The following ENPP5 variants were observed in gnomAD, a reference collection of about 807,000 sequenced individuals.
ENPP5 encodes the protein ectonucleotide pyrophosphatase/phosphodiesterase family member 5.
A neutral mutation model predicts 33.7 loss-of-function variants in ENPP5; 27 were observed. The ratio of observed to expected loss-of-function variants is 0.80; its 90% CI spans 0.59 to 1.11. ENPP5 has a LOEUF of 1.11. ENPP5 is among the 50% of genes least tolerant of loss of function. The pLI is 0.00. For missense variants in ENPP5, 552 were observed against 579.2 expected, an observed-to-expected ratio of 0.95 and a Z score of 0.48; for synonymous variants, 199 against 200.5, an observed-to-expected ratio of 0.99 and a Z score of 0.06.
At position 46,167,934 on chromosome 6, in the gene ENPP5, T is replaced by C. The variant is rs763252089; in HGVS notation, c.329A>G (p.Asn110Ser). The C allele has an allele frequency of 1.2e-5, 19 of 1,614,108 alleles. No homozygotes were observed. The highest frequency in any genetic ancestry group is 1.6e-4 in the Middle Eastern group (1 of 6,084). Residue 110 changes from asparagine to serine, a missense_variant, in exon 3 of 5, where the codon AAT becomes AGT. Physicochemically the swap from Asn to Ser is conservative, Grantham distance 46 (BLOSUM62 1). Transcript: ENST00000371383. ...TTCCCAAAACTTGGAATCATAAATA[T>C]TCATGTGATCCAAGGAGAAAGATTT... Reference protein sequence around the residue: ...RNKSFSLDHMNIYDSKFWEEA... With the variant: ...RNKSFSLDHMSIYDSKFWEEA...
intron 4 of ENPP5, among the ~76,000 whole-genome samples, 199 bp from the exon 5 acceptor site, chr6:46,161,952 C>A (rs1764409172): frequency 6.6e-6 from 1 of 152,156 alleles, no homozygotes; most frequent in Non-Finnish European, 1.5e-5. Context: ...GGTTGTGAAT[C>A]TTTCTTACAG....
chr6:46,161,415 C>CA lies in ENPP5; in HGVS notation c.1344dup (p.Val449CysfsTer5), dbSNP rs760030741. ...TGAATTAAATGCTTAATGAAAATTA[C>CA]AAAAAATACAATCACTATAATGCTG... On this transcript the variant is annotated frameshift_variant, in exon 5 of 5. Coordinates refer to ENST00000371383, the MANE Select transcript of ENPP5 (RefSeq NM_001290072.2). LOFTEE classifies it high-confidence loss of function. 6.2e-7 allele frequency: 1 copy of CA among 1,613,580 alleles called. No individual in the cohort carries two copies. Among genetic ancestry groups the CA allele is most frequent in the South Asian group, 1.1e-5 (1 of 91,058 alleles).
rs1764364659 is a variant in ENPP5, at chr6:46,160,792, T to C, written c.*534A>G. On this transcript the variant is annotated 3_prime_UTR_variant, in exon 5 of 5. Coordinates refer to ENST00000371383, the MANE Select transcript of ENPP5 (RefSeq NM_001290072.2). The stretch of plus-strand genomic sequence containing the variant: ...GGTTATCACATTTAATTTTCAACAC[T>C]TATCACCTTCTTCTTCTCTCAATTT... 6.5e-6 allele frequency: 1 copy of C among 154,486 alleles called. No individual in the cohort carries two copies. Among genetic ancestry groups the C allele is most frequent in the Non-Finnish European group, 1.4e-5 (1 of 69,302 alleles). The allele number at this position is 154,486 out of a possible 1,614,324, so 9.6% of individuals were successfully genotyped here. A position where few individuals can be genotyped will look rare whatever the true frequency, so the allele number is the denominator to read the frequency against.
At position 46,167,624 on chromosome 6, in the gene ENPP5, C is replaced by T. The variant is rs1330323806; in HGVS notation, c.639G>A (p.Lys213=). 8 of 1,614,190 alleles carry T rather than the reference C, an allele frequency of 5.0e-6. No individual in the cohort carries two copies. Among genetic ancestry groups the T allele is most frequent in the Non-Finnish European group, 6.8e-6 (8 of 1,180,030 alleles). ...GCATTTGTATGAGATATCCTAACTT[C>T]TTGTCAATATCTGAAATGACAGGCC... ...LMGPVISDID[K]KLGYLIQMLK... is the part of the protein sequence containing the mutation. The change falls in exon 3 of 5, where the codon AAG becomes AAA. Residue 213 remains lysine (K), a synonymous_variant. Coordinates refer to ENST00000371383, the MANE Select transcript of ENPP5 (RefSeq NM_001290072.2).
Position 46,170,789 on chromosome 6 carries a change from C to A in ENPP5, c.-98+19G>T, listed in dbSNP as rs1475058592. 1 of 152,244 alleles carries A rather than the reference C, an allele frequency of 6.6e-6. No homozygotes were observed. The highest frequency in any genetic ancestry group is 1.5e-5 in the Non-Finnish European group (1 of 68,164). The allele number at this position is 152,244 out of a possible 1,614,324, so 9.4% of individuals were successfully genotyped here. On this transcript the variant is annotated intron_variant, in intron 1 of 4. Coordinates refer to ENST00000371383, the MANE Select transcript of ENPP5 (RefSeq NM_001290072.2). ...GTGTGGGTTCCCGGGAGGGAAGCCA[C>A]CCACGCCCCTGGACTCACCCTCGCA... is the stretch of plus-strand genomic sequence containing the variant.
intron 3 of ENPP5, among the ~76,000 whole-genome samples, chr6:46,167,173 A>G (rs72860296): frequency 1.4e-4 from 21 of 152,246 alleles, no homozygotes; most frequent in Non-Finnish European, 2.6e-4. Context: ...ATAATATTCT[A>G]TGGATCCAAA....
intron 3 of ENPP5, among the ~76,000 whole-genome samples, chr6:46,166,525 C>T (rs752578686): frequency 6.7e-6 from 1 of 149,286 alleles, no homozygotes; most frequent in Admixed American, 6.8e-5. Flanking sequence ...CCTCAAGTGA[C>T]CCTGCTGCCT....
chr6:46,169,422 T>C (rs1581974851), intron 2 of ENPP5, among the ~76,000 whole-genome samples: 1 of 150,438 alleles, frequency 6.6e-6, no homozygotes, highest in East Asian at 2.0e-4. Flanking sequence ...AGAGGGAGTC[T>C]CACTCTGTTG....
chr6:46,164,130 A>G (rs1764467929), intron 4 of ENPP5, among the ~76,000 whole-genome samples: 1 of 152,236 alleles, frequency 6.6e-6, no homozygotes, highest in Non-Finnish European at 1.5e-5. Flanking sequence ...TCTGCACAGC[A>G]AAAGAAACTA....
At chr6:46,163,789 G>C (rs1764460552) in intron 4 of ENPP5, among the ~76,000 whole-genome samples, 1 of 152,134 alleles carries the variant, frequency 6.6e-6, no homozygotes, top group Admixed American at 6.5e-5. Flanking sequence ...GGCCAGTGAT[G>C]ATGAGCATTT....
chr6:46,161,912 C>T (rs1764408163), intron 4 of ENPP5, among the ~76,000 whole-genome samples, 159 bp from the exon 5 acceptor site: 2 of 152,126 alleles, frequency 1.3e-5, no homozygotes, highest in South Asian at 4.1e-4. Flanking sequence ...GTCCACATCA[C>T]AATTCTCTTC....
At position 46,159,401 on chromosome 6, in the gene ENPP5, A is replaced by G. The variant is rs917750234; in HGVS notation, c.*1925T>C. The G allele has an allele frequency of 2.0e-5, 3 of 152,296 alleles. No homozygotes were observed. Among genetic ancestry groups the G allele is most frequent in the Admixed American group, 6.5e-5 (1 of 15,296 alleles). The allele number at this position is 152,296 out of a possible 1,614,324, so 9.4% of individuals were successfully genotyped here. On this transcript the variant is annotated 3_prime_UTR_variant, in exon 5 of 5. Transcript: ENST00000371383. ...AATAGTAATGCTCTAAAATGGACCA[A>G]TTTCACCTTCCAGTCATTATGCTGA...
rs376294624 is a variant in ENPP5 at position 46,168,998 on chromosome 6, CAG to C, written c.-35-703_-35-702del. The stretch of plus-strand genomic sequence containing the variant: ...AATTAGATTCTAAACTAAATATTAA[CAG>C]AAATATAATTCTGAAATTTGTTGTT... On this transcript the variant is annotated intron_variant, in intron 2 of 4. Transcript: ENST00000371383. Among the ~76,000 whole-genome samples, 382 of 152,222 alleles carry C rather than the reference CAG, an allele frequency of 2.5e-3. 3 individuals are homozygous for C. In the Middle Eastern group the frequency reaches 0.027, roughly 11 times the overall value.
At chr6:46,166,098 C>T (rs978815697) in intron 3 of ENPP5, among the ~76,000 whole-genome samples, 4 of 152,116 alleles carry the variant, frequency 2.6e-5, no homozygotes, top group Non-Finnish European at 5.9e-5. Flanking sequence ...GCTGAGGTTG[C>T]ATCCTTATCT....
chr6:46,167,274 G>T (rs1764574942), intron 3 of ENPP5, among the ~76,000 whole-genome samples, 160 bp downstream of exon 3: 1 of 152,178 alleles, frequency 6.6e-6, no homozygotes, highest in African/African-American at 2.4e-5. Context: ...TGAAAAAAGA[G>T]ATTTTGTCTT....
At chr6:46,166,447 A>ATTT (rs60483260) in intron 3 of ENPP5, among the ~76,000 whole-genome samples, 34,972 of 119,832 alleles carry the variant, frequency 0.29, 5,761 homozygotes, top group Non-Finnish European at 0.36. Context: ...ACACCAGGCT[A>ATTT]TTTTTTTTTT....
chr6:46,161,193 G>T lies in ENPP5; in HGVS notation c.*133C>A, dbSNP rs1381769927. ...TGTGTATGTGTGTGTGTGTGTGTGT[G>T]TATACCTAAATATGTAACTGCTTAA... On this transcript the variant is annotated 3_prime_UTR_variant, in exon 5 of 5. Coordinates refer to ENST00000371383, the MANE Select transcript of ENPP5 (RefSeq NM_001290072.2). 6 of 645,230 alleles carry T rather than the reference G, an allele frequency of 9.3e-6. No individual in the cohort carries two copies. The East Asian group carries it at 1.7e-4, about 18-fold the overall frequency. The allele number at this position is 645,230 out of a possible 1,614,324, so 40.0% of individuals were successfully genotyped here. A position where few individuals can be genotyped will look rare whatever the true frequency, so the allele number is the denominator to read the frequency against.
At chr6:46,167,385 G>A (rs368537732) in intron 3 of ENPP5, 49 bp downstream of exon 3, 1 of 1,223,902 alleles carries the variant, frequency 8.2e-7, no homozygotes. Context: ...GATCACACTG[G>A]GCAAATGCAC....
intron 4 of ENPP5, among the ~76,000 whole-genome samples, chr6:46,162,263 C>A (rs1479842776): frequency 6.6e-6 from 1 of 152,160 alleles, no homozygotes; most frequent in Non-Finnish European, 1.5e-5. Flanking sequence ...CCTGTACTTA[C>A]AGCTATAATC....
Sources: allele counts gnomAD v4.1 joint callset (sites outside exome capture counted in the v4.1 genomes callset), GRCh38; gene constraint gnomAD v4.1.1; transcripts MANE v1.5; gene names NCBI Gene and HGNC (gene_info 2026-07-23, HGNC 2026-07-21).